The following IQGAP2 variants were observed in gnomAD, a reference collection of about 807,000 sequenced individuals.
IQGAP2 encodes the protein IQ motif containing GTPase activating protein 2, also known as ras GTPase-activating-like protein IQGAP2.
In IQGAP2, 173 loss-of-function variants were observed where a neutral mutation model predicts 201.3. The ratio of observed to expected loss-of-function variants is 0.86; its 90% CI spans 0.76 to 0.98. The LOEUF (loss-of-function observed/expected upper bound fraction) is 0.98, where lower values mean the gene tolerates loss of function less well. IQGAP2 is among the 50% of genes least tolerant of loss of function. The pLI, the probability that IQGAP2 is intolerant of heterozygous loss-of-function variation, is 0.00. For missense variants in IQGAP2, 1,687 were observed against 1,864.8 expected (o/e 0.90, Z 1.76); for synonymous variants, 675 against 673.9 (o/e 1.00, Z -0.03).
In IQGAP2 at chr5:76,671,860, G is replaced by A. The variant is rs537445542; in HGVS notation, c.2945G>A (p.Arg982His). ...NRGARGQNTL[R>H]QLLAPVVKEI... ...GGTGCCCGGGGACAGAACACCCTGC[G>A]CCAACTCCTGGCTCCAGTGGTAAAA... Residue 982 changes from arginine (R) to histidine (H), a missense_variant, in exon 24 of 36, where the codon CGC (arginine) becomes CAC (histidine). Transcript: ENST00000274364. The A allele has an allele frequency of 1.6e-5, 26 of 1,613,954 alleles. No homozygotes were observed. Among genetic ancestry groups the A allele is most frequent in the South Asian group, 6.6e-5 (6 of 91,072 alleles).
At chr5:76,411,967 G>T (rs1321432012) in intron 1 of IQGAP2, among the ~76,000 whole-genome samples, 7 of 152,154 alleles carry the variant, frequency 4.6e-5, no homozygotes, top group African/African-American at 1.7e-4. Context: ...AATCCCTGGG[G>T]GTGGCACATG....
intron 33 of IQGAP2, chr5:76,699,599 C>A (rs1747081533): frequency 7.6e-6 from 1 of 131,926 alleles, no homozygotes. Context: ...TCAGGCTTCT[C>A]TCTGTTTCTC....
At chr5:76,552,425 G>C (rs1743623426) in intron 2 of IQGAP2, among the ~76,000 whole-genome samples, 1 of 152,162 alleles carries the variant, frequency 6.6e-6, no homozygotes, top group Non-Finnish European at 1.5e-5. Context: ...GTTCTGGTTT[G>C]TTTAGCCTAA....
Position 76,677,288 on chromosome 5 carries a change from C to G in IQGAP2, c.3598C>G (p.Leu1200Val), listed in dbSNP as rs1263829767. ...EKFNMDKYTD[L>V]VTVSKPVIYI... ...GTTTAATATGGACAAATACACAGACCTGGTGACAGTCAGCAAACCAGTCAT... is the reference window on the plus strand; with the variant it reads ...GTTTAATATGGACAAATACACAGACGTGGTGACAGTCAGCAAACCAGTCAT... The change falls in exon 28 of 36, where the codon CTG (leucine) becomes GTG (valine). Residue 1200 changes from leucine (L) to valine (V), a missense_variant. Transcript: ENST00000274364. 6.2e-7 allele frequency: 1 copy of G among 1,613,324 alleles called. No homozygotes were observed. Among genetic ancestry groups the G allele is most frequent in the Non-Finnish European group, 8.5e-7 (1 of 1,179,564 alleles).
chr5:76,477,081 T>A (rs1335192941), intron 2 of IQGAP2, among the ~76,000 whole-genome samples: 1 of 152,112 alleles, frequency 6.6e-6, no homozygotes, highest in African/African-American at 2.4e-5. Flanking sequence ...GTGGCTATAA[T>A]CCCAGGACTT....
chr5:76,676,141 C>T (rs1375038094), intron 27 of IQGAP2, among the ~76,000 whole-genome samples: 1 of 151,820 alleles, frequency 6.6e-6, no homozygotes, highest in Non-Finnish European at 1.5e-5. Context: ...ATCCATTTCC[C>T]ACATTTCTCA....
At chr5:76,411,901 C>T (rs116132422) in intron 1 of IQGAP2, among the ~76,000 whole-genome samples, 2,275 of 152,186 alleles carry the variant, frequency 0.015, 64 homozygotes, top group African/African-American at 0.049. Flanking sequence ...GCTGAGTGAA[C>T]GGGGAACCTT....
intron 1 of IQGAP2, chr5:76,441,458 A>T (rs1188795518): frequency 2.0e-6 from 2 of 983,204 alleles, no homozygotes; most frequent in Non-Finnish European, 2.4e-6. Flanking sequence ...ACGGGATATG[A>T]GAAAAAGAAC....
chr5:76,581,224 T>G (rs1463627928), intron 5 of IQGAP2, among the ~76,000 whole-genome samples: 1 of 152,258 alleles, frequency 6.6e-6, no homozygotes, highest in Non-Finnish European at 1.5e-5. Context: ...CAGGCATTAA[T>G]GCATAACTTT....
intron 13 of IQGAP2, among the ~76,000 whole-genome samples, chr5:76,621,080 C>G (rs1212335730): frequency 6.6e-6 from 1 of 152,192 alleles, no homozygotes; most frequent in East Asian, 1.9e-4. Context: ...AATGCCAGTA[C>G]TGCGCCATTA....
At chr5:76,557,147 G>A (rs1744007235) in intron 2 of IQGAP2, among the ~76,000 whole-genome samples, 1 of 152,194 alleles carries the variant, frequency 6.6e-6, no homozygotes, top group South Asian at 2.1e-4. Context: ...TTTACACTAG[G>A]CTAGAGGATT....
At chr5:76,428,123 T>A (rs1261125957) in intron 1 of IQGAP2, among the ~76,000 whole-genome samples, 1 of 152,160 alleles carries the variant, frequency 6.6e-6, no homozygotes, top group Non-Finnish European at 1.5e-5. Flanking sequence ...GGTGGCTCCC[T>A]GGGTGTGGTT....
intron 8 of IQGAP2, among the ~76,000 whole-genome samples, chr5:76,591,205 T>A (rs1389828627): frequency 6.6e-6 from 1 of 152,244 alleles, no homozygotes; most frequent in Non-Finnish European, 1.5e-5. Flanking sequence ...CAACTCATGA[T>A]CATCCCTTGT....
At chr5:76,617,038 G>A (rs927139463) in intron 13 of IQGAP2, 3 of 153,192 alleles carry the variant, frequency 2.0e-5, no homozygotes, top group Middle Eastern at 3.4e-3. Flanking sequence ...GGAAGATGGT[G>A]ATTTAAAGAG....
chr5:76,691,770 C>T (rs1436098059), intron 30 of IQGAP2: 1 of 152,146 alleles, frequency 6.6e-6, no homozygotes, highest in Non-Finnish European at 1.5e-5. Flanking sequence ...ACACAGACTT[C>T]TGATAAATAG....
chr5:76,510,813 C>A (rs550836207), intron 2 of IQGAP2: 6 of 437,334 alleles, frequency 1.4e-5, no homozygotes, highest in South Asian at 1.1e-4. Flanking sequence ...GCCCAGAAGA[C>A]ACACCTGGCC....
Position 76,614,605 on chromosome 5 carries a change from C to CTTTTT in IQGAP2, c.1521+3445_1521+3449dup, listed in dbSNP as rs10603126. Among the ~76,000 whole-genome samples, 31 of 59,610 alleles carry CTTTTT rather than the reference C, an allele frequency of 5.2e-4. 5 individuals carry two copies. Among genetic ancestry groups the CTTTTT allele is most frequent in the South Asian group, 4.7e-3 (5 of 1,074 alleles). 39.1% of individuals were successfully genotyped at this position (59,610 alleles called of 152,430 possible). ...TTAATGTCTTTGTTTTTCCCCTCTG[C>CTTTTT]TTTTTTTTTTTTTTTTTTTTTTTTT... On this transcript the variant is annotated intron_variant, in intron 13 of 35. Transcript: ENST00000274364.
intron 14 of IQGAP2, among the ~76,000 whole-genome samples, chr5:76,630,474 A>G (rs1750605134): frequency 6.6e-6 from 1 of 152,204 alleles, no homozygotes; most frequent in Admixed American, 6.5e-5. Context: ...GGTTCTATTA[A>G]GATGAGAGTT....
chr5:76,612,827 A>G (rs1284495790), intron 13 of IQGAP2, among the ~76,000 whole-genome samples: 1 of 152,184 alleles, frequency 6.6e-6, no homozygotes, highest in Non-Finnish European at 1.5e-5. Context: ...GGTGAACTAG[A>G]AGGCTAGTAT....
Sources: allele counts gnomAD v4.1 joint callset (sites outside exome capture counted in the v4.1 genomes callset), GRCh38; gene constraint gnomAD v4.1.1; transcripts MANE v1.5; gene names NCBI Gene and HGNC (gene_info 2026-07-23, HGNC 2026-07-21).